Variants in ZNF518A observed in about 807,000 individuals in gnomAD.
ZNF518A encodes the protein zinc finger protein 518.
A neutral mutation model predicts 102.7 loss-of-function variants in ZNF518A; 47 were observed. The ratio of observed to expected loss-of-function variants is 0.46; its 90% confidence interval spans 0.36 to 0.58. ZNF518A has a LOEUF of 0.58. Among genes scored for constraint, ZNF518A ranks in the 20% least tolerant of loss-of-function variants. The pLI is 0.00. For synonymous variants in ZNF518A, 652 were observed against 594.6 expected (o/e 1.10, Z -1.40); for missense variants, 1,793 against 1,699.8 (o/e 1.05, Z -0.96).
Position 96,162,932 on chromosome 10 carries a change from A to G in ZNF518A, c.*2158A>G, listed in dbSNP as rs1043489248. 2.4e-5 allele frequency: 4 copies of G among 166,988 alleles called. No individual in the cohort carries two copies. Among genetic ancestry groups the G allele is most frequent in the Non-Finnish European group, 2.9e-5 (2 of 68,032 alleles). 10.3% of individuals were successfully genotyped at this position (166,988 alleles called of 1,614,324 possible). A position where few individuals can be genotyped will look rare whatever the true frequency, so the allele number is the denominator to read the frequency against. ...CATATACCATAATTTTACTATGGTT[A>G]TGCTGGCAAGGTGAGCCATAGAGAG... is the stretch of plus-strand genomic sequence containing the variant. On this transcript the variant is annotated 3_prime_UTR_variant, in exon 6 of 6. Coordinates refer to ENST00000316045, the MANE Select transcript of ZNF518A (RefSeq NM_001330736.2).
At chr10:96,130,846 C>T (rs587763492) in intron 1 of ZNF518A, 94 bp downstream of exon 1, 7 of 152,328 alleles carry the variant, frequency 4.6e-5, no homozygotes, top group South Asian at 2.1e-4. Context: ...TGACTCTATT[C>T]GTTACATGGT....
At chr10:96,180,499 C>T (rs1466854219) in intron 1 of ZNF518A, among the ~76,000 whole-genome samples, 1 of 151,988 alleles carries the variant, frequency 6.6e-6, no homozygotes, top group Non-Finnish European at 1.5e-5. Context: ...TCCCTCCTCC[C>T]CCCACCCCAC....
At position 96,200,060 on chromosome 10, in the gene ZNF518A, T is replaced by TA; in HGVS notation, n.36-3509dup. The TA allele has an allele frequency of 6.8e-7, 1 of 1,462,870 alleles. No homozygotes were observed. The highest frequency in any genetic ancestry group is 1.7e-5 in the South Asian group (1 of 60,482). The allele number at this position is 1,462,870 out of a possible 1,614,324, so 90.6% of individuals were successfully genotyped here. On this transcript the variant is annotated intron_variant and non_coding_transcript_variant, in intron 1 of 2. Transcript: ENST00000442635. This position sits in a 1 kb window ranked among gnomAD's most constrained non-coding sequence, Gnocchi z 4.3. ...AAAATAAAATAAAAATAATAAATAA[T>TA]AAAAATGATCAGACCTTGTTTGATC...
rs1487875356 is a variant in ZNF518A at position 96,200,012 on chromosome 10, A to G, written n.36-3562A>G. ...CACTGCACTCCAGTGAAACTGCATC[A>G]TCTCAAAACAAATAAATAAAATAAA... On this transcript the variant is annotated intron_variant and non_coding_transcript_variant, in intron 1 of 2. Transcript: ENST00000442635. This position sits in a 1 kb window ranked among gnomAD's most constrained non-coding sequence, Gnocchi z 4.3. The G allele has an allele frequency of 1.5e-5, 17 of 1,162,536 alleles. No individual in the cohort carries two copies. In the African/African-American group the frequency reaches 2.1e-4, roughly 15 times the overall value. The allele number at this position is 1,162,536 out of a possible 1,614,324, so 72.0% of individuals were successfully genotyped here.
In ZNF518A at chr10:96,200,293, TA is replaced by T. The variant is rs1299862821; in HGVS notation, n.36-3280del. 9.3e-6 allele frequency: 6 copies of T among 648,440 alleles called. No individual in the cohort carries two copies. In the African/African-American group the frequency reaches 1.1e-4, roughly 12 times the overall value. 40.2% of individuals were successfully genotyped at this position (648,440 alleles called of 1,614,324 possible). ...ACACCAATAATTTTAAGATGAGTTT[TA>T]TTTTTCCTTTGATCAAACACAAGGA... On this transcript the variant is annotated intron_variant and non_coding_transcript_variant, in intron 1 of 2. Coordinates refer to the ZNF518A transcript ENST00000442635. The surrounding 1 kb of genome is among the most constrained non-coding windows in gnomAD (Gnocchi z 4.3).
chr10:96,204,658 T>A, downstream of ZNF518A: 1 of 1,594,408 alleles, frequency 6.3e-7, no homozygotes, highest in Non-Finnish European at 8.6e-7. Flanking sequence ...GAGTGAAATG[T>A]CTGTCCTCAT....
chr10:96,134,253 C>T (rs967105233), intron 3 of ZNF518A, among the ~76,000 whole-genome samples: 8 of 152,102 alleles, frequency 5.3e-5, no homozygotes, highest in East Asian at 3.9e-4. Flanking sequence ...TTTTTTGAGA[C>T]GGAGTCTCAC....
chr10:96,130,606 C>G lies in ZNF518A; in HGVS notation c.-599C>G, dbSNP rs1285575316. 6.6e-6 allele frequency: 1 copy of G among 152,340 alleles called. No individual in the cohort carries two copies. The highest frequency in any genetic ancestry group is 1.5e-5 in the Non-Finnish European group (1 of 68,144). 9.4% of individuals were successfully genotyped at this position (152,340 alleles called of 1,614,324 possible). On this transcript the variant is annotated 5_prime_UTR_variant, in exon 1 of 6. Coordinates refer to ENST00000316045, the MANE Select transcript of ZNF518A (RefSeq NM_001330736.2). Reference sequence around the variant, plus strand: ...GTTGGTGGAGACAGCAAGGGCGCCCCGCAGACCGCACCCCTCGAGCTATAG... The same window carrying G: ...GTTGGTGGAGACAGCAAGGGCGCCCGGCAGACCGCACCCCTCGAGCTATAG...
In ZNF518A at chr10:96,159,189, A is replaced by G; in HGVS notation, c.2867A>G (p.Asn956Ser). The change falls in exon 6 of 6, where the codon AAT (asparagine) becomes AGT (serine). Residue 956 changes from asparagine (N) to serine (S), a missense_variant. By Grantham distance (46) the Asn-to-Ser change is conservative. Transcript: ENST00000316045. ...CCTGGGCTACCAGTTATTCCTGGAAATGCACTTCCATTGGTTAATTCACAA... is the reference window on the plus strand; with the variant it reads ...CCTGGGCTACCAGTTATTCCTGGAAGTGCACTTCCATTGGTTAATTCACAA... ...NKPGLPVIPG[N>S]ALPLVNSQGI... 1 of 1,613,806 alleles carries G rather than the reference A, an allele frequency of 6.2e-7. No individual in the cohort carries two copies. The highest frequency in any genetic ancestry group is 1.1e-5 in the South Asian group (1 of 91,066).
chr10:96,153,257 C>A (rs2082537189), intron 3 of ZNF518A, among the ~76,000 whole-genome samples: 1 of 152,202 alleles, frequency 6.6e-6, no homozygotes, highest in Non-Finnish European at 1.5e-5. Context: ...GGCCCCTGGC[C>A]GGTTGGATGG....
chr10:96,192,102 G>T, intron 1 of ZNF518A: 1 of 1,613,344 alleles, frequency 6.2e-7, no homozygotes, highest in Non-Finnish European at 8.5e-7. Flanking sequence ...ACTAGAGGAA[G>T]AAAACATAGA....
chr10:96,166,396 A>G (rs995874594), downstream of ZNF518A, among the ~76,000 whole-genome samples: 1 of 152,214 alleles, frequency 6.6e-6, no homozygotes, highest in South Asian at 2.1e-4. Context: ...AGAGTATTGT[A>G]GAAAACAGTA....
chr10:96,177,248 T>C (rs2083210846), intron 1 of ZNF518A, among the ~76,000 whole-genome samples: 2 of 152,124 alleles, frequency 1.3e-5, no homozygotes, highest in Admixed American at 1.3e-4. Flanking sequence ...TTTTAAAATA[T>C]TGAAGGGAAA....
At chr10:96,185,404 T>G (rs745566493) in intron 1 of ZNF518A, among the ~76,000 whole-genome samples, 24 of 152,216 alleles carry the variant, frequency 1.6e-4, no homozygotes, top group Non-Finnish European at 2.9e-4. Flanking sequence ...CTTTCAAAAT[T>G]TTCAGCTTTT....
At chr10:96,140,882 A>G (rs2081888917) in intron 3 of ZNF518A, among the ~76,000 whole-genome samples, 1 of 152,122 alleles carries the variant, frequency 6.6e-6, no homozygotes, top group Non-Finnish European at 1.5e-5. Context: ...GCGAGGCTGT[A>G]ATGAGCCGTA....
intron 1 of ZNF518A, among the ~76,000 whole-genome samples, chr10:96,170,418 T>G (rs1227620419): frequency 1.3e-5 from 2 of 152,206 alleles, no homozygotes; most frequent in African/African-American, 4.8e-5. Flanking sequence ...GTATAAATAG[T>G]TAAGGTATTT....
rs148365152 is a variant in ZNF518A at position 96,160,282 on chromosome 10, A to G, written c.3960A>G (p.Ser1320=). ...ETFGFSRPRL[S]KDSIRTLRLF... ...TTGGATTTAGCAGACCTAGGCTTTC[A>G]AAAGATTCCATCAGAACTTTGCGGC... Residue 1320 remains serine, a synonymous_variant, in exon 6 of 6, where the codon TCA becomes TCG. Transcript: ENST00000316045. 16 of 1,613,646 alleles carry G rather than the reference A, an allele frequency of 9.9e-6. No homozygotes were observed. In the African/African-American group the frequency reaches 1.3e-4, roughly 13 times the overall value.
At chr10:96,167,546 T>G (rs587715540), downstream of ZNF518A, among the ~76,000 whole-genome samples, 12 of 152,254 alleles carry the variant, frequency 7.9e-5, no homozygotes, top group African/African-American at 1.9e-4. Context: ...AACATAGAGA[T>G]AGAAATTTTT....
chr10:96,189,719 C>CATG lies in ZNF518A; in HGVS notation n.36-13853_36-13852insGAT. ...TCAAAATCATCATCATCATCATCAT[C>CATG]ATCATCATCATCATCTTCATCAGCA... is the stretch of plus-strand genomic sequence containing the variant. On this transcript the variant is annotated intron_variant and non_coding_transcript_variant, in intron 1 of 2. Coordinates refer to the ZNF518A transcript ENST00000442635. The CATG allele has an allele frequency of 4.2e-6, 3 of 718,518 alleles. No homozygotes were observed. The South Asian group carries it at 4.2e-5, about 10-fold the overall frequency. 44.5% of individuals were successfully genotyped at this position (718,518 alleles called of 1,614,324 possible). A position where few individuals can be genotyped will look rare whatever the true frequency, so the allele number is the denominator to read the frequency against.
Sources: gnomAD v4.1 joint callset for allele counts (sites outside exome capture counted in the v4.1 genomes callset) on GRCh38, gnomAD v4.1.1 for gene constraint, Gnocchi (gnomAD v3.1) non-coding constraint, MANE v1.5 for transcripts, NCBI Gene and HGNC (gene_info 2026-07-23, HGNC 2026-07-21) for gene names.